The following NKX6-1 variants were observed in gnomAD, a reference collection of about 807,000 sequenced individuals.
NKX6-1 encodes the protein homeobox protein Nkx-6.1.
A neutral mutation model predicts 24.9 loss-of-function variants in NKX6-1; 11 were observed. The observed-to-expected ratio is 0.44, with a 90% CI of 0.28 to 0.73. The LOEUF (loss-of-function observed/expected upper bound fraction) is 0.73, where lower values mean the gene tolerates loss of function less well. Among genes scored for constraint, NKX6-1 ranks in the 30% least tolerant of loss-of-function variants. The probability of loss-of-function intolerance (pLI) is 0.15; values close to 1 mark genes in which losing one functional copy is unlikely to be tolerated. For synonymous variants in NKX6-1, 277 were observed against 242.9 expected, an observed-to-expected ratio of 1.14 and a Z score of -1.31; for missense variants, 487 against 502.9, an observed-to-expected ratio of 0.97 and a Z score of 0.30.
Position 84,498,147 on chromosome 4 carries a change from T to C in NKX6-1, c.82A>G (p.Met28Val), listed in dbSNP as rs201655481. 643 of 1,294,120 alleles carry C rather than the reference T, an allele frequency of 5.0e-4. 5 individuals are homozygous for C. Among genetic ancestry groups the C allele is most frequent in the Non-Finnish European group, 7.9e-5 (81 of 1,021,130 alleles). 80.2% of individuals were successfully genotyped at this position (1,294,120 alleles called of 1,614,324 possible). The change falls in exon 1 of 3, where the codon ATG (methionine) becomes GTG (valine). Residue 28 changes from methionine (M) to valine (V), a missense_variant. By Grantham distance (21) the Met-to-Val change is conservative. This residue lies in a region of NKX6-1 where 316 missense variants were observed against 311.4 expected (regional missense o/e 1.01). Transcript: ENST00000295886. ...SSPPLAALHS[M>V]AEMKTPLYPA... ...TACAGCGGGGTCTTCATCTCGGCCA[T>C]GCTGTGCAGGGCGGCCAGGGGAGGG... is the stretch of plus-strand genomic sequence containing the variant.
rs756426719 is a variant in NKX6-1, at chr4:84,497,873, G to A, written c.356C>T (p.Ser119Leu). 133 of 1,280,204 alleles carry A rather than the reference G, an allele frequency of 1.0e-4. No individual in the cohort carries two copies. Among genetic ancestry groups the A allele is most frequent in the Non-Finnish European group, 1.3e-4 (131 of 1,015,050 alleles). The allele number at this position is 1,280,204 out of a possible 1,614,324, so 79.3% of individuals were successfully genotyped here. Residue 119 changes from serine to leucine, a missense_variant, in exon 1 of 3, where the codon TCG (serine) becomes TTG (leucine). Physicochemically the swap from Ser to Leu is moderately radical, Grantham distance 145. Transcript: ENST00000295886. This position sits in a 1 kb window ranked among gnomAD's most constrained non-coding sequence, Gnocchi z 4.8. Reference sequence around the variant, plus strand: ...AGAGGAGGAGGAGGAACCGGAGGGCGAGGCGGAGGGCAGGGCGGCCCCCGA... The same window carrying A: ...AGAGGAGGAGGAGGAACCGGAGGGCAAGGCGGAGGGCAGGGCGGCCCCCGA... Reference protein sequence around the residue: ...VASGAALPSASPSGSSSSSSS... With the variant: ...VASGAALPSALPSGSSSSSSS...
Position 84,498,825 on chromosome 4 carries a change from G to A in NKX6-1, c.-597C>T, listed in dbSNP as rs886737449. ...GGGAGAAAGCGCATCCAGCCCGCGG[G>A]AGATCTAGCCTCTGTGCGGGCTTCC... On this transcript the variant is annotated 5_prime_UTR_variant, in exon 1 of 3. Coordinates refer to ENST00000295886, the MANE Select transcript of NKX6-1 (RefSeq NM_006168.3). 7.2e-5 allele frequency among the ~76,000 whole-genome samples: 11 copies of A among 152,224 alleles called. No homozygotes were observed. The highest frequency in any genetic ancestry group is 5.2e-4 in the Admixed American group (8 of 15,290).
Position 84,493,848 on chromosome 4 carries a change from A to G in NKX6-1, c.844-299T>C, listed in dbSNP as rs1445830394. On this transcript the variant is annotated intron_variant, in intron 2 of 2. Transcript: ENST00000295886. This position sits in a 1 kb window ranked among gnomAD's most constrained non-coding sequence, Gnocchi z 5.1. ...AAGTAAAAACAAAACTCGGAAACTT[A>G]AAAATGAGCGTCCCTAAAAGTGAGT... 6.6e-6 allele frequency among the ~76,000 whole-genome samples: 1 copy of G among 152,248 alleles called. No homozygotes were observed. The highest frequency in any genetic ancestry group is 2.4e-5 in the African/African-American group (1 of 41,466).
rs1264647869 is a variant in NKX6-1, at chr4:84,497,701, G to A, written c.528C>T (p.Tyr176=). The A allele has an allele frequency of 7.9e-7, 1 of 1,269,410 alleles. No individual in the cohort carries two copies. Among genetic ancestry groups the A allele is most frequent in the Non-Finnish European group, 1.0e-6 (1 of 1,004,376 alleles). 78.6% of individuals were successfully genotyped at this position (1,269,410 alleles called of 1,614,324 possible). Residue 176 remains tyrosine (Y), a synonymous_variant, in exon 1 of 3, where the codon TAC becomes TAT. Coordinates refer to ENST00000295886, the MANE Select transcript of NKX6-1 (RefSeq NM_006168.3). This position sits in a 1 kb window ranked among gnomAD's most constrained non-coding sequence, Gnocchi z 4.8. The part of the protein sequence containing the change: ...LSPPPPPPGL[Y]FSPSAAAVAA... Reference sequence around the variant, plus strand: ...CCACGGCCGCGGCGCTGGGGCTGAAGTAGAGCCCGGGCGGCGGCGGCGGCG... The same window carrying A: ...CCACGGCCGCGGCGCTGGGGCTGAAATAGAGCCCGGGCGGCGGCGGCGGCG...
rs1358322991 is a variant in NKX6-1, at chr4:84,492,047, T to A, written c.*1242A>T. 6.6e-6 allele frequency: 1 copy of A among 152,228 alleles called. No homozygotes were observed. The highest frequency in any genetic ancestry group is 1.5e-5 in the Non-Finnish European group (1 of 68,046). 9.4% of individuals were successfully genotyped at this position (152,228 alleles called of 1,614,324 possible). The stretch of plus-strand genomic sequence containing the variant: ...AAACAGAAAGTGCATTACATTTAAC[T>A]GGTCTTGCAAAGGGGGTTTTCTTCT... On this transcript the variant is annotated 3_prime_UTR_variant, in exon 3 of 3. Coordinates refer to ENST00000295886, the MANE Select transcript of NKX6-1 (RefSeq NM_006168.3).
rs150847073 is a variant in NKX6-1, at chr4:84,498,378, G to C, written c.-150C>G. ...AGCTGCCAACTGAACCAAAAATGCC[G>C]CTGCCGGGAGTTGCTCGCCTAGCTG... On this transcript the variant is annotated 5_prime_UTR_variant, in exon 1 of 3. Coordinates refer to ENST00000295886, the MANE Select transcript of NKX6-1 (RefSeq NM_006168.3). 2.7e-3 allele frequency: 2,274 copies of C among 837,762 alleles called. 49 individuals are homozygous for C. In the African/African-American group the frequency reaches 0.037, roughly 14 times the overall value. 51.9% of individuals were successfully genotyped at this position (837,762 alleles called of 1,614,324 possible). A position where few individuals can be genotyped will look rare whatever the true frequency, so the allele number is the denominator to read the frequency against.
At chr4:84,494,174 C>CAAAA (rs34303850) in intron 2 of NKX6-1, among the ~76,000 whole-genome samples, 30,183 of 106,634 alleles carry the variant, frequency 0.28, 3,609 homozygotes, top group Middle Eastern at 0.4. Flanking sequence ...TGGTGCACTT[C>CAAAA]AAAAAAAAAA....
At position 84,497,871 on chromosome 4, in the gene NKX6-1, G is replaced by A. The variant is rs1351361501; in HGVS notation, c.358C>T (p.Pro120Ser). 2 of 1,279,412 alleles carry A rather than the reference G, an allele frequency of 1.6e-6. No homozygotes were observed. Among genetic ancestry groups the A allele is most frequent in the Non-Finnish European group, 2.0e-6 (2 of 1,014,708 alleles). 79.3% of individuals were successfully genotyped at this position (1,279,412 alleles called of 1,614,324 possible). A position where few individuals can be genotyped will look rare whatever the true frequency, so the allele number is the denominator to read the frequency against. Reference protein sequence around the residue: ...ASGAALPSASPSGSSSSSSSS... With the variant: ...ASGAALPSASSSGSSSSSSSS... ...GAAGAGGAGGAGGAGGAACCGGAGG[G>A]CGAGGCGGAGGGCAGGGCGGCCCCC... The change falls in exon 1 of 3, where the codon CCC (proline) becomes TCC (serine). Residue 120 changes from proline to serine, a missense_variant. Pro to Ser is a moderately conservative substitution (Grantham distance 74). Coordinates refer to ENST00000295886, the MANE Select transcript of NKX6-1 (RefSeq NM_006168.3). This position sits in a 1 kb window ranked among gnomAD's most constrained non-coding sequence, Gnocchi z 4.8.
At position 84,497,782 on chromosome 4, in the gene NKX6-1, G is replaced by C. The variant is rs753170481; in HGVS notation, c.447C>G (p.Ala149=). Reference sequence around the variant, plus strand: ...CCAGCAGCCCCGCCGGGGATGAGGCGGCGGCTGCGGCCGCGGCAGCAGCCG... The same window carrying C: ...CCAGCAGCCCCGCCGGGGATGAGGCCGCGGCTGCGGCCGCGGCAGCAGCCG... ...AAAAAAAAAA[A]ASSPAGLLAG... is the part of the protein sequence containing the mutation. The change falls in exon 1 of 3, where the codon GCC becomes GCG. Residue 149 remains alanine, a synonymous_variant. Coordinates refer to ENST00000295886, the MANE Select transcript of NKX6-1 (RefSeq NM_006168.3). This position sits in a 1 kb window ranked among gnomAD's most constrained non-coding sequence, Gnocchi z 4.8. 1.6e-6 allele frequency: 2 copies of C among 1,273,166 alleles called. No homozygotes were observed. Among genetic ancestry groups the C allele is most frequent in the Admixed American group, 4.1e-5 (1 of 24,314 alleles). 78.9% of individuals were successfully genotyped at this position (1,273,166 alleles called of 1,614,324 possible).
Position 84,497,968 on chromosome 4 carries a change from CG to C in NKX6-1, c.260del (p.Pro87ArgfsTer16), listed in dbSNP as rs1196466313. The C allele has an allele frequency of 1.5e-6, 2 of 1,297,164 alleles. No homozygotes were observed. The highest frequency in any genetic ancestry group is 9.8e-7 in the Non-Finnish European group (1 of 1,019,694). 80.4% of individuals were successfully genotyped at this position (1,297,164 alleles called of 1,614,324 possible). On this transcript the variant is annotated frameshift_variant, in exon 1 of 3. Transcript: ENST00000295886. LOFTEE classifies it high-confidence loss of function. This position sits in a 1 kb window ranked among gnomAD's most constrained non-coding sequence, Gnocchi z 4.8. ...TGGLSSLGSP[P>X]QQLSAATPHG... is the part of the protein sequence containing the mutation. ...GTGGGGTGGCGGCCGAGAGCTGCTG[CG>C]GGGGGCTGCCGAGGGATGAGAGCCC...
chr4:84,493,309 C>A lies in NKX6-1; in HGVS notation c.1084G>T (p.Glu362Ter). ...GGCGTTCAGGATGAGCTCTCCGGCTCGGACGCGTGCAGTAGGAGGCCGCCG... is the reference window on the plus strand; with the variant it reads ...GGCGTTCAGGATGAGCTCTCCGGCTAGGACGCGTGCAGTAGGAGGCCGCCG... Reference protein sequence around the residue: ...GGGGLLLHASEPESSS With the variant: ...GGGGLLLHAS Residue 362 changes from glutamate (E) to a stop codon, truncating the protein, a stop_gained, in exon 3 of 3, where the codon GAG becomes TAG. Coordinates refer to ENST00000295886, the MANE Select transcript of NKX6-1 (RefSeq NM_006168.3). LOFTEE classifies it high-confidence loss of function. This position sits in a 1 kb window ranked among gnomAD's most constrained non-coding sequence, Gnocchi z 5.1. 2 of 1,605,096 alleles carry A rather than the reference C, an allele frequency of 1.2e-6. No homozygotes were observed. The highest frequency in any genetic ancestry group is 8.5e-7 in the Non-Finnish European group (1 of 1,178,400).
Position 84,497,723 on chromosome 4 carries a change from G to T in NKX6-1, c.506C>A (p.Pro169Gln). ...GLPRFSSLSP[P>Q]PPPPGLYFSP... ...GAAGTAGAGCCCGGGCGGCGGCGGC[G>T]GCGGGCTCAGGCTGCTAAAGCGTGG... The change falls in exon 1 of 3, where the codon CCG becomes CAG. Residue 169 changes from proline (P) to glutamine (Q), a missense_variant. Physicochemically the swap from Pro to Gln is moderately conservative, Grantham distance 76. Transcript: ENST00000295886. The surrounding 1 kb of genome is among the most constrained non-coding windows in gnomAD (Gnocchi z 4.8). The T allele has an allele frequency of 1.6e-6, 2 of 1,258,130 alleles. No homozygotes were observed. The highest frequency in any genetic ancestry group is 2.0e-6 in the Non-Finnish European group (2 of 1,000,012). 77.9% of individuals were successfully genotyped at this position (1,258,130 alleles called of 1,614,324 possible). A position where few individuals can be genotyped will look rare whatever the true frequency, so the allele number is the denominator to read the frequency against.
Position 84,497,612 on chromosome 4 carries a change from G to T in NKX6-1, c.617C>A (p.Pro206His). 7.8e-7 allele frequency: 1 copy of T among 1,279,638 alleles called. No homozygotes were observed. The highest frequency in any genetic ancestry group is 3.3e-5 in the South Asian group (1 of 30,644). The allele number at this position is 1,279,638 out of a possible 1,614,324, so 79.3% of individuals were successfully genotyped here. A position where few individuals can be genotyped will look rare whatever the true frequency, so the allele number is the denominator to read the frequency against. The part of the protein sequence containing the change: ...ELPGRTPIFW[P>H]GVMQSPPWRD... Reference sequence around the variant, plus strand: ...CCAGGGCGGGCTCTGCATCACTCCGGGCCAGAAGATGGGCGTCCGGCCAGG... The same window carrying T: ...CCAGGGCGGGCTCTGCATCACTCCGTGCCAGAAGATGGGCGTCCGGCCAGG... The change falls in exon 1 of 3, where the codon CCC (proline) becomes CAC (histidine). Residue 206 changes from proline (P) to histidine (H), a missense_variant. Physicochemically the swap from Pro to His is moderately conservative, Grantham distance 77 (BLOSUM62 -2). Coordinates refer to ENST00000295886, the MANE Select transcript of NKX6-1 (RefSeq NM_006168.3). The surrounding 1 kb of genome is among the most constrained non-coding windows in gnomAD (Gnocchi z 4.8).
intron 2 of NKX6-1, among the ~76,000 whole-genome samples, chr4:84,494,218 C>G (rs1720779029): frequency 6.7e-6 from 1 of 148,250 alleles, no homozygotes; most frequent in East Asian, 2.0e-4. Context: ...AACTTCAAAT[C>G]GCCTTTAATG....
intron 2 of NKX6-1, among the ~76,000 whole-genome samples, chr4:84,495,315 T>C (rs982120905): frequency 1.1e-4 from 17 of 152,214 alleles, no homozygotes; most frequent in Admixed American, 9.2e-4. Flanking sequence ...AGATAGGATA[T>C]GTAGAAGCTG....
Position 84,493,395 on chromosome 4 carries a change from T to G in NKX6-1, c.998A>C (p.Asn333Thr). The change falls in exon 3 of 3, where the codon AAC (asparagine) becomes ACC (threonine). Residue 333 changes from asparagine (N) to threonine (T), a missense_variant. Coordinates refer to ENST00000295886, the MANE Select transcript of NKX6-1 (RefSeq NM_006168.3). This position sits in a 1 kb window ranked among gnomAD's most constrained non-coding sequence, Gnocchi z 5.1. ...CTGCGTGATTTTCTCGTCGTCCGAG[T>G]TGGGATCCAGAGGCTTATTGTAGTC... is the stretch of plus-strand genomic sequence containing the variant. The part of the protein sequence containing the change: ...DDDYNKPLDP[N>T]SDDEKITQLL... 6.2e-7 allele frequency: 1 copy of G among 1,614,094 alleles called. No homozygotes were observed. Among genetic ancestry groups the G allele is most frequent in the Non-Finnish European group, 8.5e-7 (1 of 1,180,016 alleles).
rs74368241 is a variant in NKX6-1 at position 84,498,726 on chromosome 4, C to A, written c.-498G>T. Reference sequence around the variant, plus strand: ...AGGACGCCTTGTGCAGCCCGTGGCGCTCCTCTGATCTTACTGGGATGCTCT... The same window carrying A: ...AGGACGCCTTGTGCAGCCCGTGGCGATCCTCTGATCTTACTGGGATGCTCT... On this transcript the variant is annotated 5_prime_UTR_variant, in exon 1 of 3. Coordinates refer to ENST00000295886, the MANE Select transcript of NKX6-1 (RefSeq NM_006168.3). Among the ~76,000 whole-genome samples the A allele has an allele frequency of 6.6e-6, 1 of 152,158 alleles. No individual in the cohort carries two copies. Among genetic ancestry groups the A allele is most frequent in the Non-Finnish European group, 1.5e-5 (1 of 68,028 alleles).
chr4:84,497,562 G>A lies in NKX6-1; in HGVS notation c.667C>T (p.Pro223Ser). 7.9e-7 allele frequency: 1 copy of A among 1,258,908 alleles called. No individual in the cohort carries two copies. Among genetic ancestry groups the A allele is most frequent in the Non-Finnish European group, 1.0e-6 (1 of 994,678 alleles). The allele number at this position is 1,258,908 out of a possible 1,614,324, so 78.0% of individuals were successfully genotyped here. A position where few individuals can be genotyped will look rare whatever the true frequency, so the allele number is the denominator to read the frequency against. ...GGGCGCGGGTGGTAGTACTCACGAG[G>A]GGTACAGGCCAGGCGTGCGTCCCTC... ...PWRDARLACT[P>S]HQGSILLDKD... Residue 223 changes from proline to serine, a missense_variant, in exon 1 of 3, where the codon CCT becomes TCT. Physicochemically the swap from Pro to Ser is moderately conservative, Grantham distance 74. Transcript: ENST00000295886. The surrounding 1 kb of genome is among the most constrained non-coding windows in gnomAD (Gnocchi z 4.8).
In NKX6-1 at chr4:84,497,827, G is replaced by A. The variant is rs752076077; in HGVS notation, c.402C>T (p.Ser134=). 7.1e-6 allele frequency: 9 copies of A among 1,271,062 alleles called. No homozygotes were observed. The highest frequency in any genetic ancestry group is 5.8e-4 in the Middle Eastern group (2 of 3,436). The allele number at this position is 1,271,062 out of a possible 1,614,324, so 78.7% of individuals were successfully genotyped here. ...CAGCCGCGGCGGCGGCAGAGGCGGA[G>A]GAGGCAGAGGCGGACGAGGAAGAGG... ...SSSSSSSASA[S]SASAAAAAAA... is the part of the protein sequence containing the mutation. Residue 134 remains serine, a synonymous_variant, in exon 1 of 3, where the codon TCC becomes TCT. Transcript: ENST00000295886. This position sits in a 1 kb window ranked among gnomAD's most constrained non-coding sequence, Gnocchi z 4.8.
Sources: allele counts gnomAD v4.1 joint callset (sites outside exome capture counted in the v4.1 genomes callset), GRCh38; gene constraint gnomAD v4.1.1; regional missense constraint gnomAD v4.1.1; non-coding constraint Gnocchi (gnomAD v3.1); transcripts MANE v1.5; gene names NCBI Gene and HGNC (gene_info 2026-07-23, HGNC 2026-07-21).